Variants in GNAQ observed in about 807,000 individuals in gnomAD.
GNAQ encodes G protein subunit alpha q, also known as guanine nucleotide-binding protein G(q) subunit alpha.
In GNAQ, 8 loss-of-function variants were observed where a neutral mutation model predicts 43.9. The observed-to-expected ratio is 0.18, with a 90% CI of 0.11 to 0.33. GNAQ has a LOEUF of 0.33. GNAQ is among the 10% of genes least tolerant of loss of function. The probability of loss-of-function intolerance (pLI) is 1.00; values close to 1 mark genes in which losing one functional copy is unlikely to be tolerated. For synonymous variants in GNAQ, 155 were observed against 170.7 expected, an observed-to-expected ratio of 0.91 and a Z score of 0.71; for missense variants, 158 against 450.8, an observed-to-expected ratio of 0.35 and a Z score of 5.88.
intron 1 of GNAQ, among the ~76,000 whole-genome samples, chr9:77,924,988 T>C (rs866944136): frequency 3.0e-4 from 45 of 151,904 alleles, no homozygotes; most frequent in African/African-American, 1.1e-3. Flanking sequence ...TTCTCCTAGC[T>C]TCCTCGCTGC....
chr9:77,739,078 A>C (rs1453593717), intron 5 of GNAQ, among the ~76,000 whole-genome samples: 2 of 152,120 alleles, frequency 1.3e-5, no homozygotes, highest in African/African-American at 4.8e-5. Context: ...AGGCTACCAA[A>C]TAACTTTCCG....
intron 2 of GNAQ, among the ~76,000 whole-genome samples, chr9:77,859,954 T>A (rs1028222145): frequency 6.6e-6 from 1 of 152,212 alleles, no homozygotes; most frequent in African/African-American, 2.4e-5. Context: ...AATGTTTAAC[T>A]TCTTCTTAGG....
At chr9:77,997,141 T>C (rs942043599) in intron 1 of GNAQ, among the ~76,000 whole-genome samples, 9 of 152,246 alleles carry the variant, frequency 5.9e-5, no homozygotes, top group Non-Finnish European at 1.2e-4. Flanking sequence ...GGCTAGGTGA[T>C]GCGCATGCCC....
At chr9:77,877,873 GCCCCAACTACT>G (rs1489003632) in intron 2 of GNAQ, among the ~76,000 whole-genome samples, 1 of 152,012 alleles carries the variant, frequency 6.6e-6, no homozygotes, top group African/African-American at 2.4e-5. Flanking sequence ...CAACAAGTTT[GCCCCAACTACT>G]CCCATTCCCG....
intron 1 of GNAQ, among the ~76,000 whole-genome samples, chr9:77,971,893 G>A (rs1226832240): frequency 1.3e-5 from 2 of 152,156 alleles, no homozygotes; most frequent in Non-Finnish European, 2.9e-5. Context: ...TGTATTCCTA[G>A]GTATTTATTC....
At chr9:77,969,140 T>TACAGTA (rs1823205478) in intron 1 of GNAQ, among the ~76,000 whole-genome samples, 1 of 152,218 alleles carries the variant, frequency 6.6e-6, no homozygotes, top group Admixed American at 6.5e-5. Context: ...TCCAGGGAGA[T>TACAGTA]ACAGTAACTC....
chr9:77,799,418 A>T (rs914822125), intron 3 of GNAQ, among the ~76,000 whole-genome samples: 1 of 152,196 alleles, frequency 6.6e-6, no homozygotes. Context: ...GGACTCTGAC[A>T]CACTCATCTT....
chr9:78,014,200 A>C (rs1823808798), intron 1 of GNAQ, among the ~76,000 whole-genome samples: 3 of 152,214 alleles, frequency 2.0e-5, no homozygotes, highest in African/African-American at 7.2e-5. Flanking sequence ...TAGCTGCAAG[A>C]AATCAAGAAA....
chr9:77,764,416 T>C (rs1042865368), intron 5 of GNAQ, among the ~76,000 whole-genome samples: 1 of 152,124 alleles, frequency 6.6e-6, no homozygotes, highest in Non-Finnish European at 1.5e-5. Flanking sequence ...GATAAAGCTA[T>C]ACTAAGCTGG....
chr9:77,957,704 ACATCACAGGATGAAGGCCACTAG>A (rs1823059767), intron 1 of GNAQ, among the ~76,000 whole-genome samples: 2 of 152,190 alleles, frequency 1.3e-5, no homozygotes. Flanking sequence ...ATCTTATTTA[ACATCACAGGATGAAGGCCACTAG>A]CATCATAGGA....
intron 4 of GNAQ, 50 bp downstream of exon 4, chr9:77,797,470 T>C (rs760448781): frequency 6.3e-6 from 9 of 1,429,504 alleles, no homozygotes; most frequent in Non-Finnish European, 8.9e-6. Flanking sequence ...TTACCAAATG[T>C]ACTCAAGGCA....
At chr9:78,016,268 A>C (rs1823836769) in intron 1 of GNAQ, among the ~76,000 whole-genome samples, 1 of 152,268 alleles carries the variant, frequency 6.6e-6, no homozygotes, top group Non-Finnish European at 1.5e-5. Flanking sequence ...GTTGCGCTTC[A>C]GAACAATTCT....
chr9:77,899,465 C>T (rs993819191), intron 2 of GNAQ, among the ~76,000 whole-genome samples: 1 of 151,562 alleles, frequency 6.6e-6, no homozygotes, highest in Non-Finnish European at 1.5e-5. Flanking sequence ...TGCTTTTTAC[C>T]AGGCACTGTT....
At chr9:77,762,265 C>T (rs1320164830) in intron 5 of GNAQ, among the ~76,000 whole-genome samples, 8 of 141,196 alleles carry the variant, frequency 5.7e-5, no homozygotes, top group Non-Finnish European at 6.2e-5. Context: ...GTCAGCCCCC[C>T]GCCTGGCCAG....
At chr9:78,025,516 T>A (rs2118615896) in intron 1 of GNAQ, among the ~76,000 whole-genome samples, 1 of 152,298 alleles carries the variant, frequency 6.6e-6, no homozygotes, top group South Asian at 2.1e-4. Flanking sequence ...TAACATAACT[T>A]AAAAGGCATT....
At chr9:77,763,305 C>G (rs1002504021) in intron 5 of GNAQ, among the ~76,000 whole-genome samples, 1 of 152,138 alleles carries the variant, frequency 6.6e-6, no homozygotes, top group Non-Finnish European at 1.5e-5. Flanking sequence ...TTGCCTTCCA[C>G]AACTATTATA....
chr9:77,866,000 A>G (rs1827941457), intron 2 of GNAQ, among the ~76,000 whole-genome samples: 1 of 152,220 alleles, frequency 6.6e-6, no homozygotes, highest in South Asian at 2.1e-4. Context: ...TGTTAAGAAG[A>G]GGAACAGATA....
intron 5 of GNAQ, among the ~76,000 whole-genome samples, chr9:77,760,331 TGAGTGCCTGCGA>T (rs1825976241): frequency 6.6e-6 from 1 of 152,114 alleles, no homozygotes; most frequent in Non-Finnish European, 1.5e-5. Context: ...CTCAGCCTGC[TGAGTGCCTGCGA>T]GTGCAGGCGC....
intron 5 of GNAQ, among the ~76,000 whole-genome samples, chr9:77,743,311 G>C (rs747724396): frequency 3.6e-4 from 54 of 152,052 alleles, no homozygotes; most frequent in Non-Finnish European, 6.3e-4. Context: ...ACATCAGCAG[G>C]AGAGGGTCCA....
Sources: gnomAD v4.1 joint callset for allele counts (sites outside exome capture counted in the v4.1 genomes callset) on GRCh38, gnomAD v4.1.1 for gene constraint, MANE v1.5 for transcripts, NCBI Gene and HGNC (gene_info 2026-07-23, HGNC 2026-07-21) for gene names.